The following AGAP1 variants were observed in gnomAD, a reference collection of about 807,000 sequenced individuals.
AGAP1 encodes arf-GAP with GTPase, ANK repeat and PH domain-containing protein 1.
Under a neutral mutation model 105.3 loss-of-function variants are expected in AGAP1, and 29 were observed. That is an observed-to-expected ratio of 0.28 (90% confidence interval 0.21 to 0.38). AGAP1 has a LOEUF of 0.38. Ranked by LOEUF, AGAP1 falls within the 10% of genes least tolerant of loss-of-function variation. AGAP1 has a pLI of 1.00. For synonymous variants in AGAP1, 509 were observed against 485.9 expected, an observed-to-expected ratio of 1.05 and a Z score of -0.63; for missense variants, 998 against 1,165.1, an observed-to-expected ratio of 0.86 and a Z score of 2.09.
rs184556590 is a variant in AGAP1, at chr2:235,630,392, A to G, written c.164-78787A>G. Among the ~76,000 whole-genome samples, 1,111 of 152,094 alleles carry G rather than the reference A, an allele frequency of 7.3e-3. 3 individuals are homozygous for G. The highest frequency in any genetic ancestry group is 0.011 in the Admixed American group (161 of 15,272). On this transcript the variant is annotated intron_variant, in intron 1 of 17. Coordinates refer to ENST00000304032, the MANE Select transcript of AGAP1 (RefSeq NM_001037131.3). ...AGCCCAGCTAATTTTTGTATTTTTA[A>G]TAGAGACAGGGTTTCACCATGTTGA...
Position 236,105,557 on chromosome 2 carries a change from T to C in AGAP1, c.2115-14635T>C, listed in dbSNP as rs929125975. 1.4e-5 allele frequency among the ~76,000 whole-genome samples: 2 copies of C among 144,692 alleles called. No individual in the cohort carries two copies. The highest frequency in any genetic ancestry group is 3.0e-5 in the Non-Finnish European group (2 of 66,104). The allele number at this position is 144,692 out of a possible 152,430, so 94.9% of individuals were successfully genotyped here. On this transcript the variant is annotated intron_variant, in intron 16 of 17. Coordinates refer to ENST00000304032, the MANE Select transcript of AGAP1 (RefSeq NM_001037131.3). The surrounding 1 kb of genome is among the most constrained non-coding windows in gnomAD (Gnocchi z 4.2). ...GAGGGGCATCTCTCGTGTCTTTTTT[T>C]TTTTTTTTTTTTTTTTGAGACACAG...
chr2:236,011,512 C>G (rs10929157), intron 13 of AGAP1, among the ~76,000 whole-genome samples: 102,659 of 152,148 alleles, frequency 0.67, 36,666 homozygotes, highest in African/African-American at 0.92. Flanking sequence ...CTCTGTTTAC[C>G]AAAGAGACTT....
intron 12 of AGAP1, among the ~76,000 whole-genome samples, chr2:235,933,531 TAAGG>T (rs2052829554): frequency 7.6e-6 from 1 of 131,372 alleles, no homozygotes; most frequent in African/African-American, 3.1e-5. Context: ...CTGTATTTTC[TAAGG>T]ATTTTTTTTT....
intron 1 of AGAP1, among the ~76,000 whole-genome samples, chr2:235,587,473 C>T (rs373686505): frequency 4.1e-4 from 63 of 152,240 alleles, no homozygotes; most frequent in African/African-American, 1.4e-3. Context: ...CCCAACAGGC[C>T]GGGTGCGGTG....
chr2:235,759,352 G>T (rs553429223), intron 6 of AGAP1, among the ~76,000 whole-genome samples: 39 of 151,724 alleles, frequency 2.6e-4, no homozygotes, highest in Middle Eastern at 6.9e-3. Context: ...TGTATTTTTA[G>T]TAGAGACGGG....
chr2:235,722,510 C>G lies in AGAP1; in HGVS notation c.310+4866C>G, dbSNP rs144319433. On this transcript the variant is annotated intron_variant, in intron 3 of 17. Transcript: ENST00000304032. ...TGGCTGTCAGCAATCCATGCTGTTT[C>G]TTGGCTCATAGACTCCTAACCCCAG... is the stretch of plus-strand genomic sequence containing the variant. Among the ~76,000 whole-genome samples, 659 of 152,294 alleles carry G rather than the reference C, an allele frequency of 4.3e-3. 2 individuals carry two copies. The highest frequency in any genetic ancestry group is 0.01 in the Middle Eastern group (3 of 294).
Position 236,050,468 on chromosome 2 carries a change from G to A in AGAP1, c.2114+1187G>A, listed in dbSNP as rs1445148158. Reference sequence around the variant, plus strand: ...GTTATGCTCTATAGTGTAGACAGGGGTAAGTTTCTTACAAACCGAAGAAAT... The same window carrying A: ...GTTATGCTCTATAGTGTAGACAGGGATAAGTTTCTTACAAACCGAAGAAAT... On this transcript the variant is annotated intron_variant, in intron 16 of 17. Transcript: ENST00000304032. The surrounding 1 kb of genome is among the most constrained non-coding windows in gnomAD (Gnocchi z 4.0). 6.6e-6 allele frequency among the ~76,000 whole-genome samples: 1 copy of A among 152,184 alleles called. No homozygotes were observed. The highest frequency in any genetic ancestry group is 1.5e-5 in the Non-Finnish European group (1 of 68,034).
chr2:236,047,188 A>G (rs1409811434), intron 15 of AGAP1, among the ~76,000 whole-genome samples: 1 of 152,216 alleles, frequency 6.6e-6, no homozygotes, highest in Non-Finnish European at 1.5e-5. Flanking sequence ...AACGTTGGCC[A>G]CAGGGGTCTT....
At chr2:235,531,608 CTT>C (rs529337320) in intron 1 of AGAP1, among the ~76,000 whole-genome samples, 23 of 135,216 alleles carry the variant, frequency 1.7e-4, no homozygotes, top group Admixed American at 2.2e-4. Flanking sequence ...GTAGCTTTGC[CTT>C]TTTTTTTTTT....
At chr2:236,108,692 G>A (rs2059567595) in intron 16 of AGAP1, among the ~76,000 whole-genome samples, 1 of 152,162 alleles carries the variant, frequency 6.6e-6, no homozygotes, top group South Asian at 2.1e-4. Flanking sequence ...GTGTTGCTCA[G>A]TGTTTTGTAG....
chr2:235,743,049 C>T (rs533955121), intron 4 of AGAP1, among the ~76,000 whole-genome samples: 63 of 152,196 alleles, frequency 4.1e-4, no homozygotes, highest in Non-Finnish European at 8.7e-4. Context: ...TGCCTGTAAT[C>T]CTAGCTGTTT....
intron 1 of AGAP1, among the ~76,000 whole-genome samples, chr2:235,654,184 G>T (rs943119305): frequency 5.9e-5 from 9 of 152,194 alleles, no homozygotes; most frequent in South Asian, 2.1e-4. Context: ...ATTTCAATCT[G>T]GATTGGGACA....
chr2:235,539,804 C>A (rs1257087777), intron 1 of AGAP1, among the ~76,000 whole-genome samples: 2 of 151,976 alleles, frequency 1.3e-5, no homozygotes, highest in Non-Finnish European at 2.9e-5. Flanking sequence ...CTGGGGGACA[C>A]GAGAGACAGA....
rs544347410 is a variant in AGAP1 at position 235,690,779 on chromosome 2, G to A, written c.164-18400G>A. The stretch of plus-strand genomic sequence containing the variant: ...TTTGTTGCTTTTACGGTTATCTTCG[G>A]GTAAAGTCATTGTGTTTCTTCTTGA... On this transcript the variant is annotated intron_variant, in intron 1 of 17. Coordinates refer to ENST00000304032, the MANE Select transcript of AGAP1 (RefSeq NM_001037131.3). This position sits in a 1 kb window ranked among gnomAD's most constrained non-coding sequence, Gnocchi z 4.1. Among the ~76,000 whole-genome samples, 18 of 152,178 alleles carry A rather than the reference G, an allele frequency of 1.2e-4. No individual in the cohort carries two copies. In the South Asian group the frequency reaches 3.7e-3, roughly 32 times the overall value.
At chr2:235,537,396 A>T (rs977835664) in intron 1 of AGAP1, among the ~76,000 whole-genome samples, 3 of 152,108 alleles carry the variant, frequency 2.0e-5, no homozygotes, top group African/African-American at 7.2e-5. Context: ...CAGCTCAGGG[A>T]AGCAGGGAGG....
rs3754660 is a variant in AGAP1, at chr2:235,737,366, C to T, written c.311-3597C>T. On this transcript the variant is annotated intron_variant, in intron 3 of 17. Coordinates refer to ENST00000304032, the MANE Select transcript of AGAP1 (RefSeq NM_001037131.3). This position sits in a 1 kb window ranked among gnomAD's most constrained non-coding sequence, Gnocchi z 4.5. ...ACTGTTAATTATACTCTGTATCTGCCGGGGGAATGTAAACTGACTTTAGGA... is the reference window on the plus strand; with the variant it reads ...ACTGTTAATTATACTCTGTATCTGCTGGGGGAATGTAAACTGACTTTAGGA... 1.2e-4 allele frequency among the ~76,000 whole-genome samples: 18 copies of T among 152,214 alleles called. No homozygotes were observed. Among genetic ancestry groups the T allele is most frequent in the African/African-American group, 4.3e-4 (18 of 41,530 alleles).
Position 236,005,125 on chromosome 2 carries a change from TTG to T in AGAP1, c.1646-31422_1646-31421del, listed in dbSNP as rs148902167. Among the ~76,000 whole-genome samples the T allele has an allele frequency of 0.012, 1,770 of 150,032 alleles. 33 individuals are homozygous for T. The highest frequency in any genetic ancestry group is 0.041 in the African/African-American group (1,624 of 39,786). ...CCCCCTGACAAGTTTCCCATGTTTT[TTG>T]TGTGTGTGTGTGTTTTGGTTTTTGT... On this transcript the variant is annotated intron_variant, in intron 13 of 17. Coordinates refer to ENST00000304032, the MANE Select transcript of AGAP1 (RefSeq NM_001037131.3). The surrounding 1 kb of genome is among the most constrained non-coding windows in gnomAD (Gnocchi z 4.1).
At position 235,633,996 on chromosome 2, in the gene AGAP1, G is replaced by T. The variant is rs1000611473; in HGVS notation, c.164-75183G>T. Among the ~76,000 whole-genome samples, 4 of 152,186 alleles carry T rather than the reference G, an allele frequency of 2.6e-5. No individual in the cohort carries two copies. The highest frequency in any genetic ancestry group is 2.6e-4 in the Admixed American group (4 of 15,296). ...TCCGAGCCCCAGCAAGCCCCTCCCTGCAAAGTTGCAGCCCCCAGCAAGCCC... is the reference window on the plus strand; with the variant it reads ...TCCGAGCCCCAGCAAGCCCCTCCCTTCAAAGTTGCAGCCCCCAGCAAGCCC... On this transcript the variant is annotated intron_variant, in intron 1 of 17. Transcript: ENST00000304032. This position sits in a 1 kb window ranked among gnomAD's most constrained non-coding sequence, Gnocchi z 4.8.
At chr2:235,738,431 G>A (rs1003940883) in intron 3 of AGAP1, among the ~76,000 whole-genome samples, 4 of 152,122 alleles carry the variant, frequency 2.6e-5, no homozygotes, top group Non-Finnish European at 5.9e-5. Flanking sequence ...GGGAGGGCTC[G>A]GCAGGGATTT....
Sources: allele counts gnomAD v4.1 joint callset (sites outside exome capture counted in the v4.1 genomes callset), GRCh38; gene constraint gnomAD v4.1.1; non-coding constraint Gnocchi (gnomAD v3.1); transcripts MANE v1.5; gene names NCBI Gene and HGNC (gene_info 2026-07-23, HGNC 2026-07-21).